SH3PXD2B: variants seen among roughly 807,000 people sequenced by gnomAD.
SH3PXD2B encodes the protein SH3 and PX domains 2B.
A neutral mutation model predicts 73.1 loss-of-function variants in SH3PXD2B; 37 were observed. The ratio of observed to expected loss-of-function variants is 0.51; its 90% CI spans 0.39 to 0.67. The LOEUF (loss-of-function observed/expected upper bound fraction) is 0.67, where lower values mean the gene tolerates loss of function less well. Ranked by LOEUF, SH3PXD2B falls within the 30% of genes least tolerant of loss-of-function variation. The pLI is 0.00. For missense variants in SH3PXD2B, 1,053 were observed against 1,197.8 expected (o/e 0.88, Z 1.78); for synonymous variants, 457 against 480.5 (o/e 0.95, Z 0.64).
chr5:172,386,897 G>A (rs780279872), intron 4 of SH3PXD2B, among the ~76,000 whole-genome samples: 1 of 152,146 alleles, frequency 6.6e-6, no homozygotes, highest in Non-Finnish European at 1.5e-5. Context: ...CAAAGTGTTG[G>A]GATTACAGGC....
chr5:172,395,237 C>G (rs1758268001), intron 3 of SH3PXD2B, among the ~76,000 whole-genome samples: 1 of 152,196 alleles, frequency 6.6e-6, no homozygotes, highest in Non-Finnish European at 1.5e-5. Context: ...CTTCTTCTGT[C>G]CTACCAATCA....
chr5:172,380,945 G>C (rs939688168), intron 5 of SH3PXD2B, among the ~76,000 whole-genome samples: 2 of 152,226 alleles, frequency 1.3e-5, no homozygotes, highest in African/African-American at 4.8e-5. Flanking sequence ...GGAAGTCTGT[G>C]AACTCGATTT....
At chr5:172,433,864 C>G (rs1257820020) in intron 1 of SH3PXD2B, among the ~76,000 whole-genome samples, 1 of 152,194 alleles carries the variant, frequency 6.6e-6, no homozygotes, top group East Asian at 1.9e-4. Context: ...CATGGTGGGA[C>G]TTGAGGGCAA....
At chr5:172,392,529 T>C (rs1360472363) in intron 4 of SH3PXD2B, among the ~76,000 whole-genome samples, 1 of 151,518 alleles carries the variant, frequency 6.6e-6, no homozygotes, top group Non-Finnish European at 1.5e-5. Context: ...CCCAGCACTT[T>C]GGGAGGCCGA....
intron 5 of SH3PXD2B, among the ~76,000 whole-genome samples, chr5:172,378,745 G>A (rs1249759515): frequency 6.6e-6 from 1 of 152,170 alleles, no homozygotes; most frequent in African/African-American, 2.4e-5. Context: ...GCAAGGGGCA[G>A]AAAAACCTGC....
In SH3PXD2B at chr5:172,339,781, G is replaced by T; in HGVS notation, c.1324C>A (p.His442Asn). The T allele has an allele frequency of 6.2e-7, 1 of 1,613,094 alleles. No homozygotes were observed. The highest frequency in any genetic ancestry group is 8.5e-7 in the Non-Finnish European group (1 of 1,179,082). Residue 442 changes from histidine to asparagine, a missense_variant, in exon 13 of 13, where the codon CAC becomes AAC. His to Asn is a moderately conservative substitution (Grantham distance 68, BLOSUM62 1). Around this residue, in one of 2 missense-constraint regions of SH3PXD2B, gnomAD observed 466 missense variants for 607.1 expected, o/e 0.77. Coordinates refer to ENST00000311601, the MANE Select transcript of SH3PXD2B (RefSeq NM_001017995.3). This position sits in a 1 kb window ranked among gnomAD's most constrained non-coding sequence, Gnocchi z 6.1. ...SRPNFLAPLP[H>N]EVTQLRLGEA... is the part of the protein sequence containing the mutation. ...CCCAGCCGGAGCTGGGTCACCTCGT[G>T]GGGCAGGGGAGCCAGAAAGTTGGGT...
chr5:172,450,203 A>G (rs1269730955), intron 1 of SH3PXD2B, among the ~76,000 whole-genome samples: 1 of 151,996 alleles, frequency 6.6e-6, no homozygotes, highest in Non-Finnish European at 1.5e-5. Flanking sequence ...ATTTTATGGT[A>G]TGTAAATTAT....
At chr5:172,350,150 C>G (rs1047900073) in intron 10 of SH3PXD2B, among the ~76,000 whole-genome samples, 1 of 152,144 alleles carries the variant, frequency 6.6e-6, no homozygotes, top group African/African-American at 2.4e-5. Flanking sequence ...CCACTGTGCC[C>G]GGCCAGCAAT....
chr5:172,411,627 G>C (rs944681223), intron 2 of SH3PXD2B, among the ~76,000 whole-genome samples: 1 of 152,210 alleles, frequency 6.6e-6, no homozygotes, highest in Non-Finnish European at 1.5e-5. Context: ...GCAGGATGAG[G>C]GACGCAGCCT....
At chr5:172,422,627 T>C (rs1180891005) in intron 1 of SH3PXD2B, 131 bp from the exon 2 acceptor site, 1 of 811,184 alleles carries the variant, frequency 1.2e-6, no homozygotes, top group African/African-American at 1.7e-5. Flanking sequence ...AATGACTGGC[T>C]GGACAAGTTG....
Position 172,384,135 on chromosome 5 carries a change from C to T in SH3PXD2B, c.310-2008G>A, listed in dbSNP as rs576124199. On this transcript the variant is annotated intron_variant, in intron 4 of 12. Coordinates refer to ENST00000311601, the MANE Select transcript of SH3PXD2B (RefSeq NM_001017995.3). ...CTGGGATTACAGGCGTGAGCCACTGCGCCCGGCCTGTGTCTTGCATTTTCT... is the reference window on the plus strand; with the variant it reads ...CTGGGATTACAGGCGTGAGCCACTGTGCCCGGCCTGTGTCTTGCATTTTCT... Among the ~76,000 whole-genome samples the T allele has an allele frequency of 9.9e-5, 15 of 152,206 alleles. No homozygotes were observed. In the East Asian group the frequency reaches 2.5e-3, roughly 25 times the overall value.
chr5:172,413,478 C>T (rs1758749929), intron 2 of SH3PXD2B, among the ~76,000 whole-genome samples: 1 of 152,250 alleles, frequency 6.6e-6, no homozygotes, highest in South Asian at 2.1e-4. Flanking sequence ...TGCCCCACTA[C>T]CTCCTCACTG....
At chr5:172,357,423 CA>C (rs1046224679) in intron 8 of SH3PXD2B, among the ~76,000 whole-genome samples, 136 of 127,590 alleles carry the variant, frequency 1.1e-3, no homozygotes, top group Admixed American at 1.2e-3. Flanking sequence ...GACTCTGTCT[CA>C]AAAAAAAAAA....
intron 8 of SH3PXD2B, among the ~76,000 whole-genome samples, chr5:172,355,543 CT>C (rs869058517): frequency 6.4e-5 from 6 of 93,090 alleles, no homozygotes; most frequent in Non-Finnish European, 1.3e-4. Context: ...GATGGATTTT[CT>C]TTTCTTTTTT....
chr5:172,333,590 A>T lies in SH3PXD2B; in HGVS notation c.*4779T>A. 7.9e-7 allele frequency: 1 copy of T among 1,265,372 alleles called. No individual in the cohort carries two copies. Among genetic ancestry groups the T allele is most frequent in the South Asian group, 1.3e-5 (1 of 76,942 alleles). 78.4% of individuals were successfully genotyped at this position (1,265,372 alleles called of 1,614,324 possible). On this transcript the variant is annotated 3_prime_UTR_variant, in exon 13 of 13. Coordinates refer to ENST00000311601, the MANE Select transcript of SH3PXD2B (RefSeq NM_001017995.3). ...AAATGGTAAAGTATATAGCCTACAC[A>T]TGCTACAGCTAGTTGTTCTCACCCC...
At chr5:172,449,392 A>G (rs1404948978) in intron 1 of SH3PXD2B, among the ~76,000 whole-genome samples, 1 of 152,208 alleles carries the variant, frequency 6.6e-6, no homozygotes, top group Non-Finnish European at 1.5e-5. Flanking sequence ...ATGTAGCCCA[A>G]TTCCCACGCA....
At chr5:172,393,899 A>G (rs1758240210) in intron 4 of SH3PXD2B, among the ~76,000 whole-genome samples, 1 of 152,188 alleles carries the variant, frequency 6.6e-6, no homozygotes, top group South Asian at 2.1e-4. Flanking sequence ...CTTTGGAAGC[A>G]TGAATGTATA....
intron 7 of SH3PXD2B, among the ~76,000 whole-genome samples, chr5:172,359,387 CAAAAAAAA>C (rs70982393): frequency 1.2e-5 from 1 of 84,088 alleles, no homozygotes; most frequent in Non-Finnish European, 2.2e-5. Flanking sequence ...ACCCCCATCT[CAAAAAAAA>C]AAAAAAAAAA....
intron 3 of SH3PXD2B, among the ~76,000 whole-genome samples, chr5:172,395,452 C>T (rs10476023): frequency 0.024 from 3,601 of 152,162 alleles, 148 homozygotes; most frequent in African/African-American, 0.081. Context: ...TCACAACATC[C>T]GAAACTCTGG....
Sources: allele counts gnomAD v4.1 joint callset (sites outside exome capture counted in the v4.1 genomes callset), GRCh38; gene constraint gnomAD v4.1.1; regional missense constraint gnomAD v4.1.1; non-coding constraint Gnocchi (gnomAD v3.1); transcripts MANE v1.5; gene names NCBI Gene and HGNC (gene_info 2026-07-23, HGNC 2026-07-21).